KCNB2: variants seen among roughly 807,000 people sequenced by gnomAD.
KCNB2 encodes delayed rectifier potassium channel protein.
KCNB2 carries 15 observed loss-of-function variants against 61.5 expected under a neutral mutation model. That is an observed-to-expected ratio of 0.24 (90% CI 0.16 to 0.38). The LOEUF (loss-of-function observed/expected upper bound fraction) is 0.38, where lower values mean the gene tolerates loss of function less well. Among genes scored for constraint, KCNB2 ranks in the 10% least tolerant of loss-of-function variants. The pLI is 1.00. For synonymous variants in KCNB2, 457 were observed against 446.0 expected (o/e 1.02, Z -0.31); for missense variants, 828 against 1,125.2 (o/e 0.74, Z 3.78).
intron 2 of KCNB2, among the ~76,000 whole-genome samples, chr8:72,906,340 T>A (rs945093218): frequency 2.0e-5 from 3 of 152,248 alleles, no homozygotes; most frequent in Admixed American, 6.5e-5. Context: ...ATAGATCTTA[T>A]GATTCTGGCT....
intron 2 of KCNB2, among the ~76,000 whole-genome samples, chr8:72,896,847 A>G (rs545536091): frequency 9.2e-5 from 14 of 152,268 alleles, no homozygotes; most frequent in African/African-American, 2.9e-4. Flanking sequence ...TTCAAGCCTA[A>G]CAAAGACATC....
At chr8:72,718,276 A>T (rs961855287) in intron 2 of KCNB2, among the ~76,000 whole-genome samples, 3 of 152,222 alleles carry the variant, frequency 2.0e-5, no homozygotes, top group Non-Finnish European at 4.4e-5. Flanking sequence ...GGGATCTAGA[A>T]CTAGAAATAC....
At chr8:72,596,876 GTTTACCTCCTAAGGAT>G (rs1807200552) in intron 2 of KCNB2, among the ~76,000 whole-genome samples, 1 of 151,904 alleles carries the variant, frequency 6.6e-6, no homozygotes, top group Admixed American at 6.6e-5. Context: ...TCAGCATGTG[GTTTACCTCCTAAGGAT>G]TTTCTGCTGG....
chr8:72,613,569 T>G (rs900033972), intron 2 of KCNB2, among the ~76,000 whole-genome samples: 1 of 152,218 alleles, frequency 6.6e-6, no homozygotes, highest in African/African-American at 2.4e-5. Context: ...TGTATTAAGA[T>G]CTGACCATCT....
At chr8:72,718,079 G>A (rs1296508187) in intron 2 of KCNB2, among the ~76,000 whole-genome samples, 1 of 152,040 alleles carries the variant, frequency 6.6e-6, no homozygotes, top group Non-Finnish European at 1.5e-5. Flanking sequence ...ATCATCACTG[G>A]CCATCAGAGA....
At chr8:72,591,417 A>C (rs1404680117) in intron 2 of KCNB2, among the ~76,000 whole-genome samples, 2 of 152,152 alleles carry the variant, frequency 1.3e-5, no homozygotes, top group Non-Finnish European at 2.9e-5. Context: ...ACTGAGCTGG[A>C]AACTGATGCA....
chr8:72,901,092 A>G (rs772041957), intron 2 of KCNB2, among the ~76,000 whole-genome samples: 15 of 152,174 alleles, frequency 9.9e-5, no homozygotes, highest in Non-Finnish European at 2.1e-4. Flanking sequence ...TGAAACCATC[A>G]TTATTTCATG....
At chr8:72,904,757 T>A (rs951149239) in intron 2 of KCNB2, among the ~76,000 whole-genome samples, 6 of 152,122 alleles carry the variant, frequency 3.9e-5, no homozygotes, top group African/African-American at 1.4e-4. Context: ...GCACTTTACA[T>A]AAACATCTAC....
intron 2 of KCNB2, among the ~76,000 whole-genome samples, chr8:72,653,966 T>C (rs1312776803): frequency 1.3e-5 from 2 of 152,192 alleles, no homozygotes; most frequent in Admixed American, 6.5e-5. Context: ...AAATGCTAAT[T>C]TCAGTGGTTA....
chr8:72,635,537 C>G (rs1299906156), intron 2 of KCNB2, among the ~76,000 whole-genome samples: 2 of 152,144 alleles, frequency 1.3e-5, no homozygotes, highest in Non-Finnish European at 2.9e-5. Flanking sequence ...TGCCCCGTCT[C>G]TGCTGCTGAG....
chr8:72,814,903 T>C (rs1809367551), intron 2 of KCNB2, among the ~76,000 whole-genome samples: 1 of 152,106 alleles, frequency 6.6e-6, no homozygotes, highest in Non-Finnish European at 1.5e-5. Flanking sequence ...GGCTGAGCTA[T>C]GATAATAACT....
chr8:72,916,525 A>T (rs1806404146), intron 2 of KCNB2, among the ~76,000 whole-genome samples: 1 of 152,152 alleles, frequency 6.6e-6, no homozygotes, highest in South Asian at 2.1e-4. Flanking sequence ...GAAGCCCCAG[A>T]AGGAGTGCTA....
intron 2 of KCNB2, among the ~76,000 whole-genome samples, chr8:72,748,387 A>C (rs745313457): frequency 6.6e-6 from 1 of 152,136 alleles, no homozygotes; most frequent in Non-Finnish European, 1.5e-5. Context: ...GTTCTGGATG[A>C]TTGCAAACCA....
intron 2 of KCNB2, among the ~76,000 whole-genome samples, chr8:72,590,785 A>G (rs1313628011): frequency 6.6e-6 from 1 of 152,202 alleles, no homozygotes; most frequent in African/African-American, 2.4e-5. Flanking sequence ...CTGTGTCACA[A>G]ACAAGCAAAA....
intron 1 of KCNB2, among the ~76,000 whole-genome samples, chr8:72,552,872 AT>A (rs949571789): frequency 1.9e-3 from 279 of 149,544 alleles, no homozygotes; most frequent in African/African-American, 6.1e-3. Context: ...CCCAGGCAGG[AT>A]TTTTTTTTTG....
intron 2 of KCNB2, among the ~76,000 whole-genome samples, chr8:72,704,590 A>G (rs1807188755): frequency 6.6e-6 from 1 of 151,912 alleles, no homozygotes; most frequent in Non-Finnish European, 1.5e-5. Flanking sequence ...TAAGATGAGC[A>G]GTGTGTCCCC....
chr8:72,731,820 AT>A (rs1190025143), intron 2 of KCNB2, among the ~76,000 whole-genome samples: 1 of 152,204 alleles, frequency 6.6e-6, no homozygotes, highest in Non-Finnish European at 1.5e-5. Flanking sequence ...GATTTTAGAA[AT>A]TCTGATTCTT....
At chr8:72,653,101 A>G (rs73305880) in intron 2 of KCNB2, among the ~76,000 whole-genome samples, 4,231 of 152,128 alleles carry the variant, frequency 0.028, 76 homozygotes, top group South Asian at 0.073. Context: ...CTTCTTTCAT[A>G]AGAAGAGACT....
At chr8:72,733,003 A>G (rs1438897963) in intron 2 of KCNB2, among the ~76,000 whole-genome samples, 1 of 152,096 alleles carries the variant, frequency 6.6e-6, no homozygotes, top group Non-Finnish European at 1.5e-5. Flanking sequence ...AAAAAAAAAC[A>G]GAACAGATAA....
Sources: gnomAD v4.1 joint callset for allele counts (sites outside exome capture counted in the v4.1 genomes callset) on GRCh38, gnomAD v4.1.1 for gene constraint, MANE v1.5 for transcripts, NCBI Gene and HGNC (gene_info 2026-07-23, HGNC 2026-07-21) for gene names.